RBM26: variants seen among roughly 807,000 people sequenced by gnomAD.
RBM26 encodes the protein RNA binding motif protein 26.
A neutral mutation model predicts 123.6 loss-of-function variants in RBM26; 30 were observed. The ratio of observed to expected loss-of-function variants is 0.24; its 90% CI spans 0.18 to 0.33. RBM26 has a LOEUF of 0.33. RBM26 is among the 10% of genes least tolerant of loss of function. RBM26 has a pLI of 1.00. For missense variants in RBM26, 947 were observed against 1,203.6 expected (o/e 0.79, Z 3.15); for synonymous variants, 400 against 404.4 (o/e 0.99, Z 0.13).
intron 9 of RBM26, among the ~76,000 whole-genome samples, chr13:79,361,677 T>C (rs2074703331): frequency 6.6e-6 from 1 of 152,192 alleles, no homozygotes; most frequent in Admixed American, 6.5e-5. Flanking sequence ...CCTGGGTTTT[T>C]AGGAATCCCC....
chr13:79,365,067 A>G (rs1347866599), intron 9 of RBM26, among the ~76,000 whole-genome samples: 1 of 152,180 alleles, frequency 6.6e-6, no homozygotes, highest in Non-Finnish European at 1.5e-5. Context: ...ATTGTATAAT[A>G]AAGTGTCACC....
chr13:79,401,392 G>A (rs943369964), intron 1 of RBM26, among the ~76,000 whole-genome samples: 2 of 152,176 alleles, frequency 1.3e-5, no homozygotes, highest in African/African-American at 2.4e-5. Context: ...GCTGCATTCT[G>A]TAGTAGTAAA....
intron 14 of RBM26, among the ~76,000 whole-genome samples, chr13:79,345,232 T>C (rs1341673250): frequency 6.6e-6 from 1 of 151,930 alleles, no homozygotes; most frequent in African/African-American, 2.4e-5. Context: ...ACATACCCTA[T>C]TGCATTCATT....
At chr13:79,349,987 G>A (rs1024475969) in intron 14 of RBM26, among the ~76,000 whole-genome samples, 1 of 152,064 alleles carries the variant, frequency 6.6e-6, no homozygotes, top group Non-Finnish European at 1.5e-5. Context: ...TGAGCCATGC[G>A]CCCAGCCAAA....
intron 1 of RBM26, among the ~76,000 whole-genome samples, chr13:79,380,622 T>C (rs570586756): frequency 1.7e-4 from 26 of 152,214 alleles, no homozygotes; most frequent in South Asian, 1.7e-3. Flanking sequence ...AACATTTATT[T>C]CTTTGTGTTG....
In RBM26 at chr13:79,350,723, C is replaced by T. The variant is rs373746254; in HGVS notation, c.2058+2430G>A. ...ATAGATACAAGCTTTGGGTTTTCCC[C>T]TGCCTTCATTTTTTTTAAAAAAAGA... On this transcript the variant is annotated intron_variant, in intron 14 of 21. Coordinates refer to ENST00000438737, the MANE Select transcript of RBM26 (RefSeq NM_001366735.2). 7.9e-5 allele frequency among the ~76,000 whole-genome samples: 12 copies of T among 151,686 alleles called. No individual in the cohort carries two copies. The South Asian group carries it at 1.2e-3, about 16-fold the overall frequency.
chr13:79,351,798 C>CAA (rs777481764), intron 14 of RBM26, among the ~76,000 whole-genome samples: 4 of 152,034 alleles, frequency 2.6e-5, no homozygotes, highest in Non-Finnish European at 5.9e-5. Flanking sequence ...CTGAGAAACT[C>CAA]AAAGTTTCTA....
At chr13:79,379,234 T>C (rs2140237935) in intron 1 of RBM26, among the ~76,000 whole-genome samples, 1 of 152,066 alleles carries the variant, frequency 6.6e-6, no homozygotes, top group South Asian at 2.1e-4. Flanking sequence ...AGATAAATTA[T>C]GCAATAAACA....
At chr13:79,394,998 A>G (rs1159119475) in intron 1 of RBM26, among the ~76,000 whole-genome samples, 2 of 152,170 alleles carry the variant, frequency 1.3e-5, no homozygotes, top group Non-Finnish European at 2.9e-5. Flanking sequence ...GAATCAAACG[A>G]AAGTTGTTAC....
chr13:79,373,345 TATAA>T (rs1174215061), intron 3 of RBM26, among the ~76,000 whole-genome samples: 6 of 105,258 alleles, frequency 5.7e-5, no homozygotes, highest in East Asian at 2.5e-4. Context: ...ATATATTATA[TATAA>T]ATAAAATATA....
chr13:79,388,554 T>A (rs1362152870), intron 1 of RBM26, among the ~76,000 whole-genome samples: 2 of 152,216 alleles, frequency 1.3e-5, no homozygotes, highest in Non-Finnish European at 2.9e-5. Context: ...AAGAGCCTTT[T>A]CCTAATCACA....
At chr13:79,365,767 G>C in intron 8 of RBM26, 49 bp from the exon 9 acceptor site, 1 of 1,540,500 alleles carries the variant, frequency 6.5e-7, no homozygotes, top group South Asian at 1.2e-5. Context: ...AACTCCACTT[G>C]GTAATTTTTT....
intron 1 of RBM26, among the ~76,000 whole-genome samples, chr13:79,389,036 A>T (rs1363343749): frequency 6.6e-6 from 1 of 152,190 alleles, no homozygotes; most frequent in East Asian, 1.9e-4. Context: ...GACTTCATTT[A>T]AGATTTTATA....
At chr13:79,339,256 G>C (rs1424565168) in intron 18 of RBM26, among the ~76,000 whole-genome samples, 1 of 152,194 alleles carries the variant, frequency 6.6e-6, no homozygotes, top group Non-Finnish European at 1.5e-5. Context: ...ACCAGGGGCT[G>C]TGGGGACAGG....
chr13:79,352,242 T>C (rs929559888), intron 14 of RBM26, among the ~76,000 whole-genome samples: 6 of 152,250 alleles, frequency 3.9e-5, no homozygotes, highest in African/African-American at 1.2e-4. Flanking sequence ...TCTCTGAAAT[T>C]GATTCCCAAT....
At chr13:79,347,962 C>T (rs935424139) in intron 14 of RBM26, among the ~76,000 whole-genome samples, 3 of 151,810 alleles carry the variant, frequency 2.0e-5, no homozygotes, top group Admixed American at 6.6e-5. Flanking sequence ...TTCTCTATTC[C>T]TCCTTTGCAG....
chr13:79,372,012 G>A, intron 3 of RBM26, 82 bp from the exon 4 acceptor site: 1 of 1,010,570 alleles, frequency 9.9e-7, no homozygotes, highest in Non-Finnish European at 1.5e-6. Flanking sequence ...TGGGCACAGT[G>A]GTTCATGCCT....
chr13:79,357,506 C>A (rs2074168082), intron 11 of RBM26, among the ~76,000 whole-genome samples: 1 of 152,038 alleles, frequency 6.6e-6, no homozygotes, highest in South Asian at 2.1e-4. Flanking sequence ...ATTATAGGTG[C>A]AGTCAAATAC....
chr13:79,328,233 GACAAACTAC>G (rs1482910969), intron 20 of RBM26, among the ~76,000 whole-genome samples: 1 of 152,038 alleles, frequency 6.6e-6, no homozygotes, highest in East Asian at 1.9e-4. Flanking sequence ...AAACTGCCCT[GACAAACTAC>G]TGAGTTTAGA....
Sources: gnomAD v4.1 joint callset for allele counts (sites outside exome capture counted in the v4.1 genomes callset) on GRCh38, gnomAD v4.1.1 for gene constraint, MANE v1.5 for transcripts, NCBI Gene and HGNC (gene_info 2026-07-23, HGNC 2026-07-21) for gene names.